The following MTFR1 variants were observed in gnomAD, a reference collection of about 807,000 sequenced individuals.
MTFR1 encodes the protein mitochondrial fission regulator 1.
Under a neutral mutation model 38.8 loss-of-function variants are expected in MTFR1, and 28 were observed. The observed-to-expected ratio is 0.72, with a 90% CI of 0.53 to 0.99. The LOEUF is 0.99. Ranked by LOEUF, MTFR1 falls within the 50% of genes least tolerant of loss-of-function variation. The pLI is 0.00. For missense variants in MTFR1, 358 were observed against 395.5 expected (o/e 0.91, Z 0.81); for synonymous variants, 145 against 137.0 (o/e 1.06, Z -0.41).
chr8:65,751,064 A>C (rs1807929708), intron 3 of MTFR1, among the ~76,000 whole-genome samples: 2 of 152,226 alleles, frequency 1.3e-5, no homozygotes, highest in African/African-American at 4.8e-5. Flanking sequence ...AAATTAAGAA[A>C]GGACATGGAG....
intron 3 of MTFR1, among the ~76,000 whole-genome samples, chr8:65,750,001 T>G (rs982665492): frequency 1.4e-4 from 20 of 145,702 alleles, no homozygotes; most frequent in South Asian, 4.6e-4. Flanking sequence ...AAAGTGGATC[T>G]GCAAGGGACA....
At chr8:65,768,862 TACA>T (rs1808931551) in intron 3 of MTFR1, among the ~76,000 whole-genome samples, 3 of 152,114 alleles carry the variant, frequency 2.0e-5, no homozygotes, top group African/African-American at 2.4e-5. Context: ...TCAAAAATAA[TACA>T]AAAAGGTCAA....
At chr8:65,700,871 A>C (rs1290528441) in intron 4 of MTFR1, among the ~76,000 whole-genome samples, 3 of 152,254 alleles carry the variant, frequency 2.0e-5, no homozygotes, top group Non-Finnish European at 2.9e-5. Context: ...TTTGACTCTG[A>C]CAATGTGAAC....
downstream of MTFR1, among the ~76,000 whole-genome samples, chr8:65,771,782 G>A (rs1474609986): frequency 6.6e-6 from 1 of 150,858 alleles, no homozygotes; most frequent in African/African-American, 2.4e-5. Flanking sequence ...GGCTGAGGCA[G>A]GAGAATCGCT....
chr8:65,706,747 G>T (rs1805790682), intron 5 of MTFR1, among the ~76,000 whole-genome samples: 1 of 152,082 alleles, frequency 6.6e-6, no homozygotes, highest in Non-Finnish European at 1.5e-5. Flanking sequence ...AGTCAAACTT[G>T]AACATTTGAT....
chr8:65,732,051 C>T (rs757027445), intron 3 of MTFR1, among the ~76,000 whole-genome samples: 28 of 151,784 alleles, frequency 1.8e-4, no homozygotes, highest in African/African-American at 4.4e-4. Flanking sequence ...CAGGCTGGAA[C>T]GCAGTGGCAT....
At chr8:65,768,547 G>A (rs1808916102) in intron 3 of MTFR1, among the ~76,000 whole-genome samples, 2 of 152,178 alleles carry the variant, frequency 1.3e-5, no homozygotes, top group Admixed American at 1.3e-4. Flanking sequence ...GGAGCTATAA[G>A]TCTAATAAAC....
chr8:65,755,862 A>G (rs1808214797), intron 3 of MTFR1, among the ~76,000 whole-genome samples: 1 of 152,118 alleles, frequency 6.6e-6, no homozygotes, highest in Non-Finnish European at 1.5e-5. Flanking sequence ...AGCTCAAGAG[A>G]TCTTCTTGCC....
chr8:65,696,860 C>T (rs1462524404), intron 4 of MTFR1, among the ~76,000 whole-genome samples: 1 of 151,640 alleles, frequency 6.6e-6, no homozygotes, highest in African/African-American at 2.4e-5. Flanking sequence ...GGGATTTCAC[C>T]ATGTTGGCCA....
At chr8:65,674,401 C>T (rs1310203074) in intron 2 of MTFR1, among the ~76,000 whole-genome samples, 1 of 149,920 alleles carries the variant, frequency 6.7e-6, no homozygotes, top group African/African-American at 2.5e-5. Flanking sequence ...CACTGGAGTT[C>T]AGGAGTTTGA....
chr8:65,670,180 C>G (rs1804529924), intron 2 of MTFR1, among the ~76,000 whole-genome samples, 162 bp downstream of exon 2: 1 of 152,112 alleles, frequency 6.6e-6, no homozygotes, highest in South Asian at 2.1e-4. Flanking sequence ...TGAATCTTTT[C>G]TCAGCATCTG....
At chr8:65,770,489 T>A (rs935621968) in intron 3 of MTFR1, among the ~76,000 whole-genome samples, 19 of 152,176 alleles carry the variant, frequency 1.2e-4, no homozygotes, top group Non-Finnish European at 1.2e-4. Context: ...ACTGCCCTGA[T>A]GATTCAATTA....
chr8:65,687,958 G>A (rs1479806179), intron 3 of MTFR1, among the ~76,000 whole-genome samples: 1 of 151,892 alleles, frequency 6.6e-6, no homozygotes, highest in African/African-American at 2.4e-5. Context: ...AAATTACCTG[G>A]GTGTGATGGC....
chr8:65,670,138 G>A, intron 2 of MTFR1, 120 bp downstream of exon 2: 3 of 767,446 alleles, frequency 3.9e-6, no homozygotes, highest in Non-Finnish European at 6.0e-6. Flanking sequence ...TTTATGTACT[G>A]TTTAATTTGC....
rs1805871932 is a variant in MTFR1, at chr8:65,709,154, TC to T, written c.*111del. 73 of 997,222 alleles carry T rather than the reference TC, an allele frequency of 7.3e-5. No individual in the cohort carries two copies. The South Asian group carries it at 1.0e-3, about 14-fold the overall frequency. The allele number at this position is 997,222 out of a possible 1,614,324, so 61.8% of individuals were successfully genotyped here. A position where few individuals can be genotyped will look rare whatever the true frequency, so the allele number is the denominator to read the frequency against. On this transcript the variant is annotated 3_prime_UTR_variant, in exon 8 of 8. Transcript: ENST00000262146. ...TAAATACCTCTTTAGTATTCAGTGG[TC>T]TTCTTTTCAGGCTAATTAGTGGATT...
At chr8:65,657,952 T>C (rs1809312632) in intron 1 of MTFR1, among the ~76,000 whole-genome samples, 1 of 152,242 alleles carries the variant, frequency 6.6e-6, no homozygotes, top group Non-Finnish European at 1.5e-5. Context: ...TATTTTTATT[T>C]TCCATCATTT....
At chr8:65,670,247 A>G (rs927843811) in intron 2 of MTFR1, among the ~76,000 whole-genome samples, 1 of 152,226 alleles carries the variant, frequency 6.6e-6, no homozygotes, top group African/African-American at 2.4e-5. Context: ...TCATGTGACC[A>G]TTAAGAGCAA....
At chr8:65,692,973 G>A (rs1402809723) in intron 3 of MTFR1, among the ~76,000 whole-genome samples, 2 of 146,674 alleles carry the variant, frequency 1.4e-5, no homozygotes, top group African/African-American at 2.5e-5. Context: ...TCGGCTCACC[G>A]CAACCTCCAC....
chr8:65,746,543 CCAAA>C (rs1210543833), intron 3 of MTFR1, among the ~76,000 whole-genome samples: 2 of 152,058 alleles, frequency 1.3e-5, no homozygotes, highest in East Asian at 3.8e-4. Flanking sequence ...GCCCTAAAAA[CCAAA>C]TATTTTTATA....
Sources: allele counts gnomAD v4.1 joint callset (sites outside exome capture counted in the v4.1 genomes callset), GRCh38; gene constraint gnomAD v4.1.1; transcripts MANE v1.5; gene names NCBI Gene and HGNC (gene_info 2026-07-23, HGNC 2026-07-21).